PIK3CD: variants seen among roughly 807,000 people sequenced by gnomAD.
PIK3CD encodes the protein phosphatidylinositol 4,5-bisphosphate 3-kinase catalytic subunit delta isoform.
A neutral mutation model predicts 122.9 loss-of-function variants in PIK3CD; 20 were observed. The observed-to-expected ratio is 0.16, with a 90% confidence interval of 0.11 to 0.24. The LOEUF (loss-of-function observed/expected upper bound fraction) is 0.24. PIK3CD is among the 10% of genes least tolerant of loss of function. The pLI, the probability that PIK3CD is intolerant of heterozygous loss-of-function variation, is 1.00. For missense variants in PIK3CD, 787 were observed against 1,406.3 expected, an observed-to-expected ratio of 0.56 and a Z score of 7.04; for synonymous variants, 596 against 593.4, an observed-to-expected ratio of 1.00 and a Z score of -0.06.
rs149496786 is a variant in PIK3CD, at chr1:9,671,215, G to A, written c.-138+19413G>A. Among the ~76,000 whole-genome samples, 413 of 151,834 alleles carry A rather than the reference G, an allele frequency of 2.7e-3. 3 individuals carry two copies. The highest frequency in any genetic ancestry group is 9.3e-3 in the African/African-American group (383 of 41,386). Reference sequence around the variant, plus strand: ...CCTGGGCTCAAGCGATCTTCCCACCGCAGCCTCCCAAGTAGCCAAGAGTAC... The same window carrying A: ...CCTGGGCTCAAGCGATCTTCCCACCACAGCCTCCCAAGTAGCCAAGAGTAC... On this transcript the variant is annotated intron_variant, in intron 1 of 23. Transcript: ENST00000377346.
chr1:9,670,938 G>A (rs994642782), intron 1 of PIK3CD, among the ~76,000 whole-genome samples: 2 of 151,602 alleles, frequency 1.3e-5, no homozygotes, highest in Non-Finnish European at 2.9e-5. Context: ...TTGTATTTTT[G>A]GTAGAGATGG....
intron 2 of PIK3CD, among the ~76,000 whole-genome samples, chr1:9,707,729 C>T (rs1311741172): frequency 6.6e-6 from 1 of 151,810 alleles, no homozygotes; most frequent in Admixed American, 6.6e-5. Context: ...AAATATTGTG[C>T]AAGAGATAAA....
At chr1:9,673,554 C>G (rs998920785) in intron 1 of PIK3CD, among the ~76,000 whole-genome samples, 3 of 152,052 alleles carry the variant, frequency 2.0e-5, no homozygotes, top group Admixed American at 6.6e-5. Flanking sequence ...AGCCACCATG[C>G]CTGGCCTTGG....
At chr1:9,697,148 G>C (rs1646450606) in intron 2 of PIK3CD, among the ~76,000 whole-genome samples, 2 of 151,760 alleles carry the variant, frequency 1.3e-5, no homozygotes, top group African/African-American at 4.8e-5. Flanking sequence ...AATGTGGGGG[G>C]ATCACTTGAG....
chr1:9,708,307 G>A (rs1646921181), intron 2 of PIK3CD, among the ~76,000 whole-genome samples: 2 of 151,828 alleles, frequency 1.3e-5, no homozygotes, highest in South Asian at 4.2e-4. Context: ...TCAGCCTCCC[G>A]AGTAGCTGGA....
chr1:9,724,495 G>A lies in PIK3CD; in HGVS notation c.2864+74G>A, dbSNP rs1020956956. The A allele has an allele frequency of 1.3e-6, 2 of 1,557,794 alleles. No homozygotes were observed. The highest frequency in any genetic ancestry group is 4.5e-5 in the East Asian group (2 of 44,558). On this transcript the variant is annotated intron_variant, in intron 22 of 23. Coordinates refer to ENST00000377346, the MANE Select transcript of PIK3CD (RefSeq NM_005026.5). This position sits in a 1 kb window ranked among gnomAD's most constrained non-coding sequence, Gnocchi z 7.3. The stretch of plus-strand genomic sequence containing the variant: ...GGAACAGGGCAGAGGTTCCCAGGCA[G>A]GGTGCAGGATGGGGCTCAGGTCTCA...
At chr1:9,690,998 C>G (rs1646177405) in intron 1 of PIK3CD, among the ~76,000 whole-genome samples, 1 of 152,164 alleles carries the variant, frequency 6.6e-6, no homozygotes, top group South Asian at 2.1e-4. Context: ...TCACACTCTT[C>G]CTTTTTATCT....
In PIK3CD at chr1:9,715,142, A is replaced by C. The variant is rs909770295; in HGVS notation, c.142-399A>C. ...CAGTGAGCCAGGATTGCGCCACTGC[A>C]CTCCAACCTGGGCGACAGAGTGGGA... On this transcript the variant is annotated intron_variant, in intron 3 of 23. Coordinates refer to ENST00000377346, the MANE Select transcript of PIK3CD (RefSeq NM_005026.5). This position sits in a 1 kb window ranked among gnomAD's most constrained non-coding sequence, Gnocchi z 4.1. 6.6e-6 allele frequency among the ~76,000 whole-genome samples: 1 copy of C among 152,146 alleles called. No individual in the cohort carries two copies. Among genetic ancestry groups the C allele is most frequent in the East Asian group, 1.9e-4 (1 of 5,200 alleles).
Position 9,716,530 on chromosome 1 carries a change from C to A in PIK3CD, c.691C>A (p.Pro231Thr), listed in dbSNP as rs1647478311. The A allele has an allele frequency of 6.2e-7, 1 of 1,609,504 alleles. No individual in the cohort carries two copies. The highest frequency in any genetic ancestry group is 1.3e-5 in the African/African-American group (1 of 74,964). Reference sequence around the variant, plus strand: ...GAAGAAGGCCACAGTGTTCCGGCAGCCGCTGGTGGAGCAGCCGGAAGACTA... The same window carrying A: ...GAAGAAGGCCACAGTGTTCCGGCAGACGCTGGTGGAGCAGCCGGAAGACTA... ...LRKKATVFRQPLVEQPEDYTL... is the reference protein window; with the variant it reads ...LRKKATVFRQTLVEQPEDYTL... The change falls in exon 6 of 24, where the codon CCG (proline) becomes ACG (threonine). Residue 231 changes from proline to threonine, a missense_variant. Physicochemically the swap from Pro to Thr is conservative, Grantham distance 38. Around this residue, in one of 6 missense-constraint regions of PIK3CD, gnomAD observed 592 missense variants for 920.6 expected, o/e 0.64. Coordinates refer to ENST00000377346, the MANE Select transcript of PIK3CD (RefSeq NM_005026.5).
intron 1 of PIK3CD, chr1:9,688,444 C>G (rs1646055527): frequency 6.6e-6 from 1 of 152,328 alleles, no homozygotes; most frequent in Non-Finnish European, 1.5e-5. Flanking sequence ...GCTGTGCAGA[C>G]AGTGTTTGTG....
At position 9,700,259 on chromosome 1, in the gene PIK3CD, A is replaced by G. The variant is rs146437893; in HGVS notation, c.-33+8688A>G. ...GATTCTCGTGGCTCAGCCTCCCAAT[A>G]GCTGAGGTCAGATCCCTCAGACGTT... is the stretch of plus-strand genomic sequence containing the variant. On this transcript the variant is annotated intron_variant, in intron 2 of 23. Transcript: ENST00000377346. The surrounding 1 kb of genome is among the most constrained non-coding windows in gnomAD (Gnocchi z 5.1). 5.0e-4 allele frequency among the ~76,000 whole-genome samples: 76 copies of G among 152,116 alleles called. No individual in the cohort carries two copies. Among genetic ancestry groups the G allele is most frequent in the African/African-American group, 1.6e-3 (67 of 41,496 alleles).
Position 9,689,923 on chromosome 1 carries a change from A to G in PIK3CD, c.-137-1544A>G, listed in dbSNP as rs559382986. ...TGCGTTCGCGGTGGGATTCTCAGCT[A>G]TGGGCCGCGCGACGCTCTCCTCTCC... is the stretch of plus-strand genomic sequence containing the variant. On this transcript the variant is annotated intron_variant, in intron 1 of 23. Transcript: ENST00000377346. This position sits in a 1 kb window ranked among gnomAD's most constrained non-coding sequence, Gnocchi z 6.1. Among the ~76,000 whole-genome samples the G allele has an allele frequency of 1.7e-4, 26 of 151,366 alleles. No individual in the cohort carries two copies. The East Asian group carries it at 4.5e-3, about 26-fold the overall frequency.
chr1:9,646,287 C>T, the PIK3CD span, among the ~76,000 whole-genome samples: 1 of 152,188 alleles, frequency 6.6e-6, no homozygotes, highest in African/African-American at 2.4e-5. Context: ...TATAACTTCT[C>T]CTCAGCCCCG....
At chr1:9,654,988 A>G (rs550299351) in intron 1 of PIK3CD, among the ~76,000 whole-genome samples, 8 of 151,686 alleles carry the variant, frequency 5.3e-5, no homozygotes, top group Admixed American at 2.0e-4. Context: ...AATCGCTTCA[A>G]TCCGGGAGGT....
intron 23 of PIK3CD, among the ~76,000 whole-genome samples, chr1:9,725,456 G>A (rs1218588103): frequency 1.3e-5 from 2 of 152,148 alleles, no homozygotes; most frequent in Admixed American, 1.3e-4. Context: ...TCGGGAGGCT[G>A]AGGCAGGAGA....
chr1:9,630,493 A>ATGCCCTCTGGGTGCCTC, the PIK3CD span, among the ~76,000 whole-genome samples: 1 of 152,220 alleles, frequency 6.6e-6, no homozygotes, highest in Non-Finnish European at 1.5e-5. Flanking sequence ...GGTGCCAGAC[A>ATGCCCTCTGGGTGCCTC]CAGGGGAGCA....
chr1:9,721,686 C>T (rs1570388334), intron 15 of PIK3CD, 75 bp from the exon 16 acceptor site: 1 of 1,604,804 alleles, frequency 6.2e-7, no homozygotes, highest in East Asian at 2.2e-5. Context: ...GTGTCCTGGC[C>T]TCGCTAGGTC....
chr1:9,671,159 G>A (rs1645311306), intron 1 of PIK3CD, among the ~76,000 whole-genome samples: 1 of 152,092 alleles, frequency 6.6e-6, no homozygotes, highest in African/African-American at 2.4e-5. Context: ...GAGTGCAGTG[G>A]TGCAATCATA....
At chr1:9,702,511 T>C (rs1646680338) in intron 2 of PIK3CD, among the ~76,000 whole-genome samples, 2 of 77,660 alleles carry the variant, frequency 2.6e-5, no homozygotes, top group African/African-American at 5.8e-5. Flanking sequence ...TTTTTTTTTT[T>C]TTTTTTTTTT....
Sources: allele counts gnomAD v4.1 joint callset (sites outside exome capture counted in the v4.1 genomes callset), GRCh38; gene constraint gnomAD v4.1.1; regional missense constraint gnomAD v4.1.1; non-coding constraint Gnocchi (gnomAD v3.1); transcripts MANE v1.5; gene names NCBI Gene and HGNC (gene_info 2026-07-23, HGNC 2026-07-21).